Variants in CDH18 observed in about 807,000 individuals in gnomAD.
CDH18 encodes cadherin-18.
Under a neutral mutation model 67.9 loss-of-function variants are expected in CDH18, and 31 were observed. The observed-to-expected ratio is 0.46, with a 90% CI of 0.34 to 0.62. CDH18 has a LOEUF of 0.62. CDH18 is among the 20% of genes least tolerant of loss of function. The probability of loss-of-function intolerance (pLI) is 0.01; values close to 1 mark genes in which losing one functional copy is unlikely to be tolerated. For missense variants in CDH18, 890 were observed against 975.5 expected (o/e 0.91, Z 1.17); for synonymous variants, 362 against 347.2 (o/e 1.04, Z -0.48).
intron 2 of CDH18, among the ~76,000 whole-genome samples, chr5:20,105,880 G>C (rs1746888857): frequency 6.6e-6 from 1 of 152,184 alleles, no homozygotes; most frequent in African/African-American, 2.4e-5. Context: ...ATGAACATTG[G>C]TGGAAAGTAT....
At chr5:19,979,398 T>C (rs935096974) in intron 2 of CDH18, among the ~76,000 whole-genome samples, 30 of 152,264 alleles carry the variant, frequency 2.0e-4, no homozygotes, top group Non-Finnish European at 2.6e-4. Context: ...GCTGAAACTG[T>C]AGATTTATAT....
intron 5 of CDH18, among the ~76,000 whole-genome samples, chr5:19,622,195 C>T (rs1750817583): frequency 6.6e-6 from 1 of 152,138 alleles, no homozygotes; most frequent in African/African-American, 2.4e-5. Flanking sequence ...AATCAAAGGT[C>T]CGCATTGTAG....
chr5:20,033,204 TA>T (rs200455368), intron 2 of CDH18, among the ~76,000 whole-genome samples: 1,480 of 146,722 alleles, frequency 0.01, 14 homozygotes, highest in African/African-American at 0.019. Flanking sequence ...TCTTCCTTTT[TA>T]AAAAAAAAAA....
intron 1 of CDH18, among the ~76,000 whole-genome samples, chr5:20,544,355 T>A (rs1189733361): frequency 1.3e-5 from 2 of 152,216 alleles, no homozygotes; most frequent in Admixed American, 6.5e-5. Context: ...CATATGTGTA[T>A]GTATAATATA....
chr5:19,822,667 G>A (rs1779996772), intron 3 of CDH18, among the ~76,000 whole-genome samples: 3 of 152,186 alleles, frequency 2.0e-5, no homozygotes, highest in South Asian at 4.1e-4. Context: ...CAGAGAGCAT[G>A]TGCTTCACAA....
At chr5:19,637,663 G>A (rs1418027110) in intron 5 of CDH18, among the ~76,000 whole-genome samples, 3 of 152,020 alleles carry the variant, frequency 2.0e-5, no homozygotes, top group South Asian at 2.1e-4. Context: ...TGGGTTCCTC[G>A]TCACCAATCA....
chr5:19,653,921 A>G (rs1755945139), intron 5 of CDH18, among the ~76,000 whole-genome samples: 1 of 152,184 alleles, frequency 6.6e-6, no homozygotes, highest in African/African-American at 2.4e-5. Context: ...CTTCTCACCA[A>G]TAAGGCCCTC....
At chr5:20,393,207 T>C (rs953176210) in intron 1 of CDH18, among the ~76,000 whole-genome samples, 3 of 151,962 alleles carry the variant, frequency 2.0e-5, no homozygotes, top group Admixed American at 2.0e-4. Flanking sequence ...CTTAGTAGTG[T>C]TTGATGGCTA....
chr5:19,941,205 G>T (rs1310769397), intron 2 of CDH18, among the ~76,000 whole-genome samples: 1 of 152,008 alleles, frequency 6.6e-6, no homozygotes, highest in Non-Finnish European at 1.5e-5. Flanking sequence ...AGGAAAGAGT[G>T]AGAAGTCTAT....
chr5:19,956,577 A>C (rs1796276572), intron 2 of CDH18, among the ~76,000 whole-genome samples: 1 of 151,862 alleles, frequency 6.6e-6, no homozygotes, highest in Admixed American at 6.6e-5. Context: ...TGATTGTTTC[A>C]GTTATGAATA....
chr5:19,977,518 T>A (rs1362893926), intron 2 of CDH18, among the ~76,000 whole-genome samples: 1 of 152,156 alleles, frequency 6.6e-6, no homozygotes, highest in African/African-American at 2.4e-5. Context: ...GCATACTCCA[T>A]CATGTCTAGG....
chr5:20,243,710 G>A (rs558933348), intron 2 of CDH18, among the ~76,000 whole-genome samples: 1 of 152,084 alleles, frequency 6.6e-6, no homozygotes, highest in South Asian at 2.1e-4. Flanking sequence ...ACAATTTAAT[G>A]TTTTAAAATA....
chr5:20,226,398 A>G (rs899455427), intron 2 of CDH18, among the ~76,000 whole-genome samples: 3 of 152,142 alleles, frequency 2.0e-5, no homozygotes, highest in Non-Finnish European at 4.4e-5. Flanking sequence ...AAAAGGAACA[A>G]TATGTTAGCT....
intron 8 of CDH18, among the ~76,000 whole-genome samples, chr5:19,555,847 C>A (rs1738311404): frequency 6.6e-6 from 1 of 152,166 alleles, no homozygotes; most frequent in Non-Finnish European, 1.5e-5. Context: ...AAAAATGCAA[C>A]CAAGGACCCT....
chr5:20,222,446 T>C (rs1210911202), intron 2 of CDH18, among the ~76,000 whole-genome samples: 2 of 152,166 alleles, frequency 1.3e-5, no homozygotes, highest in Non-Finnish European at 2.9e-5. Context: ...ATATGGTATA[T>C]GTAGGATTTT....
intron 5 of CDH18, among the ~76,000 whole-genome samples, chr5:19,677,385 C>G (rs1759651625): frequency 6.6e-6 from 1 of 151,990 alleles, no homozygotes; most frequent in Non-Finnish European, 1.5e-5. Flanking sequence ...CCAGAACTGC[C>G]TTAAAGAAGA....
chr5:19,663,537 G>A (rs1442268062), intron 5 of CDH18, among the ~76,000 whole-genome samples: 1 of 151,890 alleles, frequency 6.6e-6, no homozygotes, highest in Admixed American at 6.6e-5. Context: ...AATTTTCCAA[G>A]TGAAAGTTGG....
At chr5:19,503,652 T>G (rs1409706688) in intron 10 of CDH18, among the ~76,000 whole-genome samples, 2 of 152,082 alleles carry the variant, frequency 1.3e-5, no homozygotes, top group South Asian at 4.1e-4. Flanking sequence ...ATGTCTAAAA[T>G]AATGGCAGAG....
At chr5:20,135,010 G>A (rs1477771892) in intron 2 of CDH18, among the ~76,000 whole-genome samples, 1 of 151,992 alleles carries the variant, frequency 6.6e-6, no homozygotes. Flanking sequence ...CTTGACCTCT[G>A]ATGACTGTAT....
Sources: gnomAD v4.1 joint callset for allele counts (sites outside exome capture counted in the v4.1 genomes callset) on GRCh38, gnomAD v4.1.1 for gene constraint, MANE v1.5 for transcripts, NCBI Gene and HGNC (gene_info 2026-07-23, HGNC 2026-07-21) for gene names.